Variants in PKNOX2 observed in about 807,000 individuals in gnomAD.
PKNOX2 encodes the protein homeobox protein PKNOX2.
In PKNOX2, 14 loss-of-function variants were observed where a neutral mutation model predicts 53.1. That is an observed-to-expected ratio of 0.26 (90% CI 0.17 to 0.41). The LOEUF is 0.41. PKNOX2 is among the 10% of genes least tolerant of loss of function. PKNOX2 has a pLI of 1.00. For synonymous variants in PKNOX2, 257 were observed against 242.8 expected, an observed-to-expected ratio of 1.06 and a Z score of -0.54; for missense variants, 496 against 602.8, an observed-to-expected ratio of 0.82 and a Z score of 1.85.
intron 1 of PKNOX2, among the ~76,000 whole-genome samples, chr11:125,200,163 G>A (rs564465897): frequency 6.6e-6 from 1 of 152,298 alleles, no homozygotes; most frequent in South Asian, 2.1e-4. Context: ...GGTAACCGGA[G>A]CAGGGACCAG....
intron 2 of PKNOX2, chr11:125,277,460 G>A (rs1350740269): frequency 6.6e-6 from 1 of 152,314 alleles, no homozygotes; most frequent in South Asian, 2.1e-4. Flanking sequence ...TCATACGTAG[G>A]AGGGGGCATG....
intron 10 of PKNOX2, among the ~76,000 whole-genome samples, chr11:125,423,454 C>T (rs1472412120): frequency 3.3e-5 from 5 of 152,118 alleles, no homozygotes; most frequent in Non-Finnish European, 5.9e-5. Context: ...CTGGGAGGTC[C>T]GATCACTGAT....
chr11:125,305,386 C>T (rs1948368159), intron 2 of PKNOX2, among the ~76,000 whole-genome samples: 2 of 152,186 alleles, frequency 1.3e-5, no homozygotes, highest in Admixed American at 1.3e-4. Flanking sequence ...TCAGCAAGAC[C>T]ACAAGTGGCT....
At chr11:125,298,095 C>A (rs1947780340) in intron 2 of PKNOX2, among the ~76,000 whole-genome samples, 1 of 152,138 alleles carries the variant, frequency 6.6e-6, no homozygotes, top group Admixed American at 6.6e-5. Context: ...GGGCACTGGG[C>A]AAGCAGTCGG....
chr11:125,387,373 T>C (rs1275894065), intron 6 of PKNOX2, among the ~76,000 whole-genome samples: 1 of 152,090 alleles, frequency 6.6e-6, no homozygotes, highest in Non-Finnish European at 1.5e-5. Flanking sequence ...TGAAATAACT[T>C]ATACCTTCTT....
intron 10 of PKNOX2, 88 bp from the exon 11 acceptor site, chr11:125,428,924 G>T: frequency 7.1e-7 from 1 of 1,414,914 alleles, no homozygotes; most frequent in South Asian, 1.2e-5. Context: ...GCCTGGCTCA[G>T]GATAGTGCCC....
chr11:125,317,018 C>T (rs58060116), intron 2 of PKNOX2, among the ~76,000 whole-genome samples: 9,522 of 152,208 alleles, frequency 0.063, 893 homozygotes, highest in African/African-American at 0.21. Context: ...ATTCTAAATC[C>T]CTTGTTGTCA....
At chr11:125,263,312 C>G (rs1014054401) in intron 2 of PKNOX2, among the ~76,000 whole-genome samples, 4 of 152,228 alleles carry the variant, frequency 2.6e-5, no homozygotes, top group South Asian at 2.1e-4. Flanking sequence ...GCTCCCTTCC[C>G]GTCCCTAGCA....
chr11:125,314,490 C>G (rs1949032134), intron 2 of PKNOX2, among the ~76,000 whole-genome samples: 1 of 152,144 alleles, frequency 6.6e-6, no homozygotes, highest in Admixed American at 6.5e-5. Flanking sequence ...CATGCTGCTT[C>G]CCCGCATGCT....
intron 10 of PKNOX2, among the ~76,000 whole-genome samples, chr11:125,426,354 C>T (rs1450041059): frequency 6.6e-6 from 1 of 152,226 alleles, no homozygotes; most frequent in East Asian, 1.9e-4. Context: ...ACAGACTTCC[C>T]ATTAATAGAG....
At chr11:125,425,603 C>T (rs1341998945) in intron 10 of PKNOX2, among the ~76,000 whole-genome samples, 1 of 132,892 alleles carries the variant, frequency 7.5e-6, no homozygotes, top group East Asian at 2.7e-4. Context: ...TTGCCGTGAT[C>T]CAATAATGAT....
At position 125,165,156 on chromosome 11, in the gene PKNOX2, C is replaced by T. The variant is rs1276253453; in HGVS notation, c.-201+380C>T. 5.4e-5 allele frequency among the ~76,000 whole-genome samples: 8 copies of T among 148,626 alleles called. No homozygotes were observed. The East Asian group carries it at 9.8e-4, about 18-fold the overall frequency. The stretch of plus-strand genomic sequence containing the variant: ...CGGCCAGCGCTCAGCCCCGCCGCCG[C>T]CGCCGCCGCCGCCTCGCCGCGCTTG... On this transcript the variant is annotated intron_variant, in intron 1 of 12. Transcript: ENST00000298282. This position sits in a 1 kb window ranked among gnomAD's most constrained non-coding sequence, Gnocchi z 4.5.
chr11:125,393,854 G>A (rs1371257211), intron 6 of PKNOX2, among the ~76,000 whole-genome samples: 2 of 147,114 alleles, frequency 1.4e-5, no homozygotes, highest in Middle Eastern at 3.3e-3. Context: ...CCCAAACCAC[G>A]CACCCTTTAT....
intron 10 of PKNOX2, among the ~76,000 whole-genome samples, chr11:125,418,620 C>T (rs1344497945): frequency 6.6e-6 from 1 of 152,010 alleles, no homozygotes; most frequent in Non-Finnish European, 1.5e-5. Context: ...CTCTGTGCCT[C>T]GGTGTTGCCT....
intron 4 of PKNOX2, among the ~76,000 whole-genome samples, chr11:125,365,130 A>G (rs1234750233): frequency 6.6e-6 from 1 of 151,902 alleles, no homozygotes; most frequent in Non-Finnish European, 1.5e-5. Flanking sequence ...TTCAAAGGGT[A>G]CTCTCATGTT....
intron 1 of PKNOX2, among the ~76,000 whole-genome samples, chr11:125,217,967 C>T (rs575112579): frequency 2.5e-3 from 379 of 152,266 alleles, no homozygotes; most frequent in Middle Eastern, 0.014. Flanking sequence ...TTTGCTGTAG[C>T]GCTGGGGACC....
At chr11:125,277,891 T>C (rs1301225504) in intron 2 of PKNOX2, among the ~76,000 whole-genome samples, 1 of 152,140 alleles carries the variant, frequency 6.6e-6, no homozygotes, top group Non-Finnish European at 1.5e-5. Context: ...ACCCCCCAAA[T>C]ATACAGCTAT....
At chr11:125,318,273 A>ATTTTTTTTTTTTTTTTTTTTTTTTTTT (rs906412845) in intron 2 of PKNOX2, among the ~76,000 whole-genome samples, 1 of 133,424 alleles carries the variant, frequency 7.5e-6, no homozygotes. Context: ...TGCCTGGCTA[A>ATTTTTTTTTTTTTTTTTTTTTTTTTTT]TTTTTTTTTT....
intron 2 of PKNOX2, among the ~76,000 whole-genome samples, chr11:125,256,444 G>A (rs758234951): frequency 3.3e-5 from 5 of 152,158 alleles, no homozygotes; most frequent in African/African-American, 4.8e-5. Flanking sequence ...GGCACCTCAG[G>A]TGAAAACCAG....
Sources: gnomAD v4.1 joint callset for allele counts (sites outside exome capture counted in the v4.1 genomes callset) on GRCh38, gnomAD v4.1.1 for gene constraint, Gnocchi (gnomAD v3.1) non-coding constraint, MANE v1.5 for transcripts, NCBI Gene and HGNC (gene_info 2026-07-23, HGNC 2026-07-21) for gene names.